LARGE1: variants seen among roughly 807,000 people sequenced by gnomAD.
The protein encoded by LARGE1 is xylosyl- and glucuronyltransferase LARGE1.
LARGE1 carries 43 observed loss-of-function variants against 87.6 expected under a neutral mutation model. The observed-to-expected ratio is 0.49, with a 90% confidence interval of 0.38 to 0.63. The LOEUF is 0.63. Among genes scored for constraint, LARGE1 ranks in the 30% least tolerant of loss-of-function variants. The pLI is 0.00. For missense variants in LARGE1, 802 were observed against 1,000.2 expected, an observed-to-expected ratio of 0.80 and a Z score of 2.67; for synonymous variants, 434 against 394.6, an observed-to-expected ratio of 1.10 and a Z score of -1.18.
At chr22:33,622,491 G>C (rs1215837863) in intron 4 of LARGE1, among the ~76,000 whole-genome samples, 1 of 152,194 alleles carries the variant, frequency 6.6e-6, no homozygotes, top group Non-Finnish European at 1.5e-5. Context: ...ATAGTAGTAT[G>C]AAAATGGACT....
intron 1 of LARGE1, among the ~76,000 whole-genome samples, chr22:33,829,066 T>G (rs1172589549): frequency 7.0e-6 from 1 of 142,620 alleles, no homozygotes; most frequent in Non-Finnish European, 1.5e-5. Flanking sequence ...TGGAGTGCAG[T>G]GGCGTGATCT....
At chr22:33,639,380 C>T (rs2080363181) in intron 3 of LARGE1, among the ~76,000 whole-genome samples, 1 of 152,178 alleles carries the variant, frequency 6.6e-6, no homozygotes, top group Non-Finnish European at 1.5e-5. Context: ...CCACAGAAAC[C>T]ATGACAGCTA....
chr22:33,553,168 G>T (rs1270489236), intron 6 of LARGE1, among the ~76,000 whole-genome samples: 1 of 152,090 alleles, frequency 6.6e-6, no homozygotes, highest in African/African-American at 2.4e-5. Flanking sequence ...CTCCCATCCT[G>T]AACTGTTTAG....
intron 1 of LARGE1, among the ~76,000 whole-genome samples, chr22:33,915,030 C>T (rs1254807752): frequency 8.6e-6 from 1 of 116,100 alleles, no homozygotes; most frequent in Non-Finnish European, 1.9e-5. Flanking sequence ...CACACACACA[C>T]ACACACACAC....
intron 3 of LARGE1, among the ~76,000 whole-genome samples, chr22:33,641,024 T>C (rs1482632639): frequency 1.1e-4 from 17 of 152,178 alleles, no homozygotes; most frequent in Admixed American, 1.1e-3. Context: ...CTGCTGGCTC[T>C]GAAGAGAGCA....
chr22:33,801,285 T>C (rs940653027), intron 1 of LARGE1, among the ~76,000 whole-genome samples: 1 of 152,186 alleles, frequency 6.6e-6, no homozygotes. Context: ...ATATGGTATA[T>C]ATTTAACTTT....
chr22:33,163,754 A>C (rs1229192857), exon 12 of LARGE1: 1 of 152,232 alleles, frequency 6.6e-6, no homozygotes, highest in Non-Finnish European at 1.5e-5. Context: ...TAAACTGGTG[A>C]TCTCTAGCTA....
At chr22:33,141,708 A>G in the LARGE1 span, among the ~76,000 whole-genome samples, 1 of 152,206 alleles carries the variant, frequency 6.6e-6, no homozygotes, top group African/African-American at 2.4e-5. Context: ...CCCACTCTAC[A>G]TACAATATGA....
chr22:33,081,928 A>G, the LARGE1 span, among the ~76,000 whole-genome samples: 2 of 152,210 alleles, frequency 1.3e-5, no homozygotes, highest in Non-Finnish European at 2.9e-5. Flanking sequence ...CAGGGAGGCT[A>G]AGCAATATGC....
At chr22:33,915,886 T>C (rs2065773137) in intron 1 of LARGE1, among the ~76,000 whole-genome samples, 1 of 152,232 alleles carries the variant, frequency 6.6e-6, no homozygotes, top group Non-Finnish European at 1.5e-5. Context: ...AGGGTTTCCA[T>C]GCTGTTCTTT....
chr22:33,299,784 T>C (rs1190063009), intron 12 of LARGE1, among the ~76,000 whole-genome samples: 1 of 152,216 alleles, frequency 6.6e-6, no homozygotes, highest in African/African-American at 2.4e-5. Context: ...CAAAGGCAAG[T>C]CTGCGCAACC....
intron 2 of LARGE1, among the ~76,000 whole-genome samples, chr22:33,662,729 C>G (rs1346479334): frequency 6.6e-6 from 1 of 151,556 alleles, no homozygotes; most frequent in Non-Finnish European, 1.5e-5. Flanking sequence ...TATTCTAACC[C>G]ATTCCAAAAA....
At chr22:33,620,075 C>A (rs1193619038) in intron 4 of LARGE1, among the ~76,000 whole-genome samples, 2 of 152,154 alleles carry the variant, frequency 1.3e-5, no homozygotes. Context: ...ACAATGAATT[C>A]AAGCCTGAAT....
intron 1 of LARGE1, among the ~76,000 whole-genome samples, chr22:33,820,795 T>A (rs745559445): frequency 6.6e-6 from 1 of 152,162 alleles, no homozygotes; most frequent in Admixed American, 6.6e-5. Flanking sequence ...GCTTGCTATA[T>A]CCACACTTGC....
the LARGE1 span, among the ~76,000 whole-genome samples, chr22:33,135,151 T>C: frequency 2.0e-5 from 3 of 152,194 alleles, no homozygotes; most frequent in Admixed American, 6.5e-5. Flanking sequence ...CTACCCACTG[T>C]AGAACAGGCC....
the LARGE1 span, among the ~76,000 whole-genome samples, chr22:33,072,972 A>G: frequency 6.6e-6 from 1 of 152,202 alleles, no homozygotes; most frequent in Non-Finnish European, 1.5e-5. Context: ...TTTCTAGGCA[A>G]GGGAGAAAAC....
intron 2 of LARGE1, among the ~76,000 whole-genome samples, chr22:33,692,696 A>G (rs2082130835): frequency 1.3e-5 from 2 of 152,170 alleles, no homozygotes; most frequent in Non-Finnish European, 2.9e-5. Flanking sequence ...CTTTCTACCA[A>G]TTTTATCAGT....
chr22:33,076,005 C>T, the LARGE1 span, among the ~76,000 whole-genome samples: 5 of 152,184 alleles, frequency 3.3e-5, no homozygotes, highest in Admixed American at 3.3e-4. Flanking sequence ...TAATAAACAT[C>T]GATAGGCTGG....
At chr22:33,298,626 T>C (rs769060079) in intron 12 of LARGE1, among the ~76,000 whole-genome samples, 7 of 152,158 alleles carry the variant, frequency 4.6e-5, no homozygotes, top group Admixed American at 1.3e-4. Context: ...AGTTTGAGAC[T>C]AGCCTGGACA....
Sources: gnomAD v4.1 joint callset for allele counts (sites outside exome capture counted in the v4.1 genomes callset) on GRCh38, gnomAD v4.1.1 for gene constraint, MANE v1.5 for transcripts, NCBI Gene and HGNC (gene_info 2026-07-23, HGNC 2026-07-21) for gene names.